Variants in ZBTB7C observed in about 807,000 individuals in gnomAD.
The protein encoded by ZBTB7C is zinc finger and BTB domain containing 7C.
Under a neutral mutation model 25.7 loss-of-function variants are expected in ZBTB7C, and 8 were observed. The ratio of observed to expected loss-of-function variants is 0.31; its 90% confidence interval spans 0.18 to 0.56. The LOEUF (loss-of-function observed/expected upper bound fraction) is 0.56. Among genes scored for constraint, ZBTB7C ranks in the 20% least tolerant of loss-of-function variants. ZBTB7C has a pLI of 0.91. For synonymous variants in ZBTB7C, 394 were observed against 369.0 expected (o/e 1.07, Z -0.78); for missense variants, 824 against 855.2 (o/e 0.96, Z 0.46).
intron 3 of ZBTB7C, among the ~76,000 whole-genome samples, chr18:48,067,242 C>T (rs1418901153): frequency 6.6e-6 from 1 of 152,180 alleles, no homozygotes; most frequent in Non-Finnish European, 1.5e-5. Flanking sequence ...CTGGATTTTA[C>T]CTTGAAGATC....
At chr18:48,202,716 T>C (rs75035620) in intron 2 of ZBTB7C, among the ~76,000 whole-genome samples, 13,116 of 149,428 alleles carry the variant, frequency 0.088, 585 homozygotes, top group Middle Eastern at 0.16. Flanking sequence ...TGGGAGGACA[T>C]AGAAGGCCAG....
At chr18:48,303,749 C>A (rs1212371903) in intron 2 of ZBTB7C, among the ~76,000 whole-genome samples, 1 of 152,210 alleles carries the variant, frequency 6.6e-6, no homozygotes, top group South Asian at 2.1e-4. Context: ...CCAGGCTTAG[C>A]CCCACTTCCA....
chr18:48,355,221 T>C (rs972606244), intron 1 of ZBTB7C, among the ~76,000 whole-genome samples: 68 of 152,168 alleles, frequency 4.5e-4, no homozygotes, highest in Non-Finnish European at 1.0e-4. Flanking sequence ...TCTTTCATTG[T>C]GAAATTTCAA....
chr18:48,301,209 A>G (rs1359314887), intron 2 of ZBTB7C, among the ~76,000 whole-genome samples: 1 of 152,188 alleles, frequency 6.6e-6, no homozygotes, highest in Non-Finnish European at 1.5e-5. Context: ...CCAGAGTAAA[A>G]AGGCATGGTC....
At chr18:48,340,558 A>T (rs542033395) in intron 1 of ZBTB7C, among the ~76,000 whole-genome samples, 1 of 152,268 alleles carries the variant, frequency 6.6e-6, no homozygotes, top group South Asian at 2.1e-4. Flanking sequence ...TACACTCTTA[A>T]GAAGCCGGTC....
intron 2 of ZBTB7C, among the ~76,000 whole-genome samples, chr18:48,337,556 C>A (rs9954813): frequency 0.016 from 2,484 of 152,332 alleles, 59 homozygotes; most frequent in African/African-American, 0.057. Flanking sequence ...ATCTGACAGG[C>A]CCCTACTGTC....
chr18:48,230,196 C>T (rs1288540459), intron 2 of ZBTB7C, among the ~76,000 whole-genome samples: 1 of 152,180 alleles, frequency 6.6e-6, no homozygotes. Flanking sequence ...AACAACACTC[C>T]CCTGAAGAAG....
At chr18:48,360,492 G>A (rs1403602606) in intron 1 of ZBTB7C, among the ~76,000 whole-genome samples, 2 of 152,224 alleles carry the variant, frequency 1.3e-5, no homozygotes, top group African/African-American at 2.4e-5. Context: ...AGGAGCGTGG[G>A]AAGAGATGCC....
intron 3 of ZBTB7C, among the ~76,000 whole-genome samples, chr18:48,047,486 TGAG>T (rs2036521186): frequency 6.6e-6 from 1 of 151,996 alleles, no homozygotes; most frequent in African/African-American, 2.4e-5. Context: ...GAAGAGGAGA[TGAG>T]GAGCTCAGAA....
At chr18:48,224,584 C>T (rs1393742052) in intron 2 of ZBTB7C, among the ~76,000 whole-genome samples, 1 of 152,166 alleles carries the variant, frequency 6.6e-6, no homozygotes, top group East Asian at 1.9e-4. Context: ...ATGGTAAGAA[C>T]AGAGTTTTCC....
intron 2 of ZBTB7C, among the ~76,000 whole-genome samples, chr18:48,230,454 A>T (rs762329280): frequency 6.6e-6 from 1 of 151,480 alleles, no homozygotes; most frequent in Non-Finnish European, 1.5e-5. Flanking sequence ...CCCTAAAAAA[A>T]TAAAGCCACT....
At chr18:48,301,094 A>G (rs2045532318) in intron 2 of ZBTB7C, among the ~76,000 whole-genome samples, 1 of 152,256 alleles carries the variant, frequency 6.6e-6, no homozygotes, top group African/African-American at 2.4e-5. Context: ...GTGACAGATG[A>G]GAAGATGGGA....
At chr18:48,175,669 C>A (rs903626882) in intron 3 of ZBTB7C, among the ~76,000 whole-genome samples, 2 of 152,064 alleles carry the variant, frequency 1.3e-5, no homozygotes, top group Non-Finnish European at 2.9e-5. Flanking sequence ...GAACCAGAGC[C>A]CCCCAGAGAA....
At chr18:48,310,967 C>A (rs1471645636) in intron 2 of ZBTB7C, among the ~76,000 whole-genome samples, 17 of 152,192 alleles carry the variant, frequency 1.1e-4, no homozygotes, top group African/African-American at 4.1e-4. Context: ...ATCTTTTCAG[C>A]CAATTTGGGC....
At chr18:48,140,761 G>A (rs1598957231) in intron 3 of ZBTB7C, among the ~76,000 whole-genome samples, 1 of 152,098 alleles carries the variant, frequency 6.6e-6, no homozygotes, top group South Asian at 2.1e-4. Context: ...GAAACTCAGC[G>A]CCACGCTTGC....
chr18:48,391,916 A>T (rs960745508), intron 1 of ZBTB7C, among the ~76,000 whole-genome samples: 6 of 152,226 alleles, frequency 3.9e-5, no homozygotes, highest in Non-Finnish European at 1.5e-5. Context: ...CTATCTCCTC[A>T]AGAAGTTAAA....
At chr18:48,398,124 C>T (rs376091356) in intron 1 of ZBTB7C, among the ~76,000 whole-genome samples, 7 of 152,350 alleles carry the variant, frequency 4.6e-5, no homozygotes, top group South Asian at 2.1e-4. Context: ...TTAGGGACAG[C>T]ATTCATTGGA....
At chr18:48,184,247 C>G (rs1292556532) in intron 3 of ZBTB7C, among the ~76,000 whole-genome samples, 1 of 152,186 alleles carries the variant, frequency 6.6e-6, no homozygotes, top group Non-Finnish European at 1.5e-5. Context: ...CAACTGGACC[C>G]CGTGGCGCAG....
intron 2 of ZBTB7C, among the ~76,000 whole-genome samples, chr18:48,264,919 G>A (rs2044268131): frequency 6.6e-6 from 1 of 152,328 alleles, no homozygotes; most frequent in East Asian, 1.9e-4. Context: ...CTTGGCTGCA[G>A]ATGAGAAAGT....
Sources: gnomAD v4.1 joint callset for allele counts (sites outside exome capture counted in the v4.1 genomes callset) on GRCh38, gnomAD v4.1.1 for gene constraint, MANE v1.5 for transcripts, NCBI Gene and HGNC (gene_info 2026-07-23, HGNC 2026-07-21) for gene names.